Variants in NAA15 observed in about 807,000 individuals in gnomAD.
NAA15 encodes the protein N-terminal acetyltransferase.
In NAA15, 34 loss-of-function variants were observed where a neutral mutation model predicts 114.0. That is an observed-to-expected ratio of 0.30 (90% CI 0.23 to 0.40). The LOEUF (loss-of-function observed/expected upper bound fraction) is 0.40, where lower values mean the gene tolerates loss of function less well. NAA15 is among the 10% of genes least tolerant of loss of function. The pLI, the probability that NAA15 is intolerant of heterozygous loss-of-function variation, is 1.00. For missense variants in NAA15, 658 were observed against 1,004.5 expected, an observed-to-expected ratio of 0.66 and a Z score of 4.66; for synonymous variants, 340 against 338.0, an observed-to-expected ratio of 1.01 and a Z score of -0.06.
At chr4:139,305,042 C>T (rs1028832828) in intron 1 of NAA15, among the ~76,000 whole-genome samples, 2 of 152,182 alleles carry the variant, frequency 1.3e-5, no homozygotes, top group African/African-American at 4.8e-5. Flanking sequence ...GCTTCAGCCT[C>T]CGGAGTAGGG....
intron 1 of NAA15, among the ~76,000 whole-genome samples, chr4:139,305,016 C>G (rs544652937): frequency 6.6e-6 from 1 of 152,284 alleles, no homozygotes; most frequent in African/African-American, 2.4e-5. Context: ...AACTACTGGA[C>G]TCAAGCAGTC....
At chr4:139,366,182 A>G (rs1173377693) in intron 14 of NAA15, among the ~76,000 whole-genome samples, 1 of 151,996 alleles carries the variant, frequency 6.6e-6, no homozygotes, top group Non-Finnish European at 1.5e-5. Context: ...TTTTTGGGTC[A>G]GGAATTCAGA....
intron 15 of NAA15, among the ~76,000 whole-genome samples, chr4:139,373,321 AT>A (rs755951921): frequency 1.3e-5 from 2 of 152,184 alleles, no homozygotes; most frequent in Non-Finnish European, 2.9e-5. Flanking sequence ...ACTATACTGA[AT>A]ACTATAGGCA....
chr4:139,346,287 G>A (rs976776839), intron 6 of NAA15, among the ~76,000 whole-genome samples: 6 of 152,134 alleles, frequency 3.9e-5, no homozygotes, highest in Admixed American at 6.5e-5. Context: ...AATTGCTTCC[G>A]TTTTCTACAT....
rs1271661499 is a variant in NAA15, at chr4:139,389,619, T to TA, written c.*1536dup. The TA allele has an allele frequency of 6.5e-6, 1 of 152,686 alleles. No homozygotes were observed. The highest frequency in any genetic ancestry group is 1.5e-5 in the Non-Finnish European group (1 of 68,048). 9.5% of individuals were successfully genotyped at this position (152,686 alleles called of 1,614,324 possible). A position where few individuals can be genotyped will look rare whatever the true frequency, so the allele number is the denominator to read the frequency against. On this transcript the variant is annotated 3_prime_UTR_variant, in exon 20 of 20. Transcript: ENST00000296543. ...AATGAGCCTTAATTTGTTAAACCTA[T>TA]ACACTGAGAACTAGCCTCAGGCTTA... is the stretch of plus-strand genomic sequence containing the variant.
At chr4:139,323,112 A>G (rs1219867151) in intron 1 of NAA15, among the ~76,000 whole-genome samples, 1 of 138,954 alleles carries the variant, frequency 7.2e-6, no homozygotes, top group Non-Finnish European at 1.5e-5. Flanking sequence ...GCTGGAGTGC[A>G]GTGGTATGAT....
chr4:139,315,409 C>T (rs1268951117), intron 1 of NAA15, among the ~76,000 whole-genome samples: 1 of 151,784 alleles, frequency 6.6e-6, no homozygotes, highest in Non-Finnish European at 1.5e-5. Flanking sequence ...ATCCCCGCTA[C>T]TTGGCAGGCT....
At chr4:139,356,418 C>T (rs1046104878) in intron 10 of NAA15, 6 of 152,132 alleles carry the variant, frequency 3.9e-5, no homozygotes, top group Non-Finnish European at 5.9e-5. Context: ...TTCTAGGTCT[C>T]AGATTAATTT....
intron 5 of NAA15, among the ~76,000 whole-genome samples, chr4:139,343,204 G>C (rs1321398304): frequency 6.6e-6 from 1 of 152,140 alleles, no homozygotes; most frequent in Non-Finnish European, 1.5e-5. Flanking sequence ...ATGTTTGAGA[G>C]TAATTGCAAG....
intron 2 of NAA15, among the ~76,000 whole-genome samples, chr4:139,335,896 A>G (rs1230365790): frequency 1.3e-5 from 2 of 151,610 alleles, no homozygotes; most frequent in East Asian, 2.0e-4. Flanking sequence ...ACTAGCTGGC[A>G]TTACAGGTGC....
intron 18 of NAA15, among the ~76,000 whole-genome samples, chr4:139,385,287 T>TATATATATATATAATATATA (rs1748874586): frequency 1.0e-5 from 1 of 95,786 alleles, no homozygotes; most frequent in African/African-American, 4.0e-5. Flanking sequence ...ATATATAATA[T>TATATATATATATAATATATA]ATATATATAT....
At position 139,351,283 on chromosome 4, in the gene NAA15, T is replaced by A; in HGVS notation, c.904T>A (p.Ser302Thr). 1 of 1,590,612 alleles carries A rather than the reference T, an allele frequency of 6.3e-7. No individual in the cohort carries two copies. Among genetic ancestry groups the A allele is most frequent in the Non-Finnish European group, 8.6e-7 (1 of 1,161,146 alleles). The stretch of plus-strand genomic sequence containing the variant: ...AAGAAGGCTGCCGTTAAACTTTTTA[T>A]CTGGTAAGTGAGAATAATTGCAAAG... The part of the protein sequence containing the change: ...VPRRLPLNFL[S>T]GEKFKECLDK... Residue 302 changes from serine (S) to threonine (T), a missense_variant, in exon 8 of 20, where the codon TCT (serine) becomes ACT (threonine). Coordinates refer to ENST00000296543, the MANE Select transcript of NAA15 (RefSeq NM_057175.5).
At chr4:139,362,431 G>A (rs1401635088) in intron 14 of NAA15, among the ~76,000 whole-genome samples, 1 of 152,002 alleles carries the variant, frequency 6.6e-6, no homozygotes, top group African/African-American at 2.4e-5. Flanking sequence ...CCACCACCAC[G>A]CCTGGCTAAT....
intron 1 of NAA15, among the ~76,000 whole-genome samples, chr4:139,315,418 C>G (rs1746378215): frequency 6.6e-6 from 1 of 151,728 alleles, no homozygotes; most frequent in South Asian, 2.1e-4. Flanking sequence ...ACTTGGCAGG[C>G]TGAGGTGGGG....
At chr4:139,342,139 C>T (rs1349219405) in intron 4 of NAA15, among the ~76,000 whole-genome samples, 1 of 152,046 alleles carries the variant, frequency 6.6e-6, no homozygotes, top group Non-Finnish European at 1.5e-5. Flanking sequence ...CATATTCTTT[C>T]CTCTTTATGT....
Position 139,388,710 on chromosome 4 carries a change from C to T in NAA15, c.*626C>T, listed in dbSNP as rs1748973512. On this transcript the variant is annotated 3_prime_UTR_variant, in exon 20 of 20. Coordinates refer to ENST00000296543, the MANE Select transcript of NAA15 (RefSeq NM_057175.5). ...AATACGCTTGTGTTTCCAAAATTCA[C>T]TGTACATGATCAGTTTGGTGTTCTT... The T allele has an allele frequency of 6.6e-6, 1 of 152,640 alleles. No homozygotes were observed. The highest frequency in any genetic ancestry group is 2.4e-5 in the African/African-American group (1 of 41,456). 9.5% of individuals were successfully genotyped at this position (152,640 alleles called of 1,614,324 possible). A position where few individuals can be genotyped will look rare whatever the true frequency, so the allele number is the denominator to read the frequency against.
intron 1 of NAA15, among the ~76,000 whole-genome samples, chr4:139,306,800 A>G (rs762281193): frequency 3.9e-5 from 6 of 152,206 alleles, no homozygotes; most frequent in Non-Finnish European, 5.9e-5. Context: ...TTGCCAGAGT[A>G]GAACAAAATC....
intron 1 of NAA15, among the ~76,000 whole-genome samples, chr4:139,314,996 T>TGAGGTGAGGTGAGG (rs1560952688): frequency 1.7e-5 from 1 of 57,280 alleles, no homozygotes; most frequent in African/African-American, 8.7e-5. Context: ...TTCAGTTCAG[T>TGAGGTGAGGTGAGG]TCAGTTTAGT....
At chr4:139,385,300 A>ATTATATAATATATATTATAT (rs397699538) in intron 18 of NAA15, among the ~76,000 whole-genome samples, 1 of 90,184 alleles carries the variant, frequency 1.1e-5, no homozygotes, top group Non-Finnish European at 2.6e-5. Context: ...ATATATATAT[A>ATTATATAATATATATTATAT]ATATATATTA....
Sources: allele counts gnomAD v4.1 joint callset (sites outside exome capture counted in the v4.1 genomes callset), GRCh38; gene constraint gnomAD v4.1.1; transcripts MANE v1.5; gene names NCBI Gene and HGNC (gene_info 2026-07-23, HGNC 2026-07-21).